GNAI1: variants seen among roughly 807,000 people sequenced by gnomAD.
The protein encoded by GNAI1 is guanine nucleotide-binding protein G(i) subunit alpha-1.
A neutral mutation model predicts 38.9 loss-of-function variants in GNAI1; 11 were observed. That is an observed-to-expected ratio of 0.28 (90% CI 0.18 to 0.47). The LOEUF (loss-of-function observed/expected upper bound fraction) is 0.47. Among genes scored for constraint, GNAI1 ranks in the 20% least tolerant of loss-of-function variants. GNAI1 has a pLI of 0.99. For synonymous variants in GNAI1, 166 were observed against 145.1 expected (o/e 1.14, Z -1.04); for missense variants, 317 against 436.9 (o/e 0.73, Z 2.45).
At chr7:80,188,806 G>C in intron 1 of GNAI1, 145 bp from the exon 2 acceptor site, 1 of 615,898 alleles carries the variant, frequency 1.6e-6, no homozygotes, top group Non-Finnish European at 2.9e-6. Context: ...TCTCATTTTA[G>C]TATAAAACAA....
At chr7:80,179,551 T>C (rs890494585) in intron 1 of GNAI1, among the ~76,000 whole-genome samples, 7 of 152,246 alleles carry the variant, frequency 4.6e-5, no homozygotes, top group African/African-American at 1.7e-4. Flanking sequence ...GTAGTATCCT[T>C]AGTTGCCAGA....
intron 1 of GNAI1, among the ~76,000 whole-genome samples, chr7:80,176,334 A>T (rs1468003453): frequency 2.0e-5 from 3 of 152,232 alleles, no homozygotes; most frequent in Non-Finnish European, 4.4e-5. Context: ...AGCCATCTCC[A>T]TAAAATAAAA....
chr7:80,167,336 T>A (rs1370714256), intron 1 of GNAI1, among the ~76,000 whole-genome samples: 1 of 152,204 alleles, frequency 6.6e-6, no homozygotes, highest in Non-Finnish European at 1.5e-5. Context: ...TGCAGTTAGG[T>A]TCACTTTTCT....
At chr7:80,155,269 G>A (rs1787798249) in intron 1 of GNAI1, among the ~76,000 whole-genome samples, 1 of 151,934 alleles carries the variant, frequency 6.6e-6, no homozygotes. Context: ...GAATTATTTT[G>A]GTTTTTGGAT....
intron 4 of GNAI1, among the ~76,000 whole-genome samples, chr7:80,200,135 A>G (rs7807610): frequency 0.93 from 141,308 of 151,204 alleles, 66,099 homozygotes; most frequent in East Asian, 1. Flanking sequence ...GGGTAACTTA[A>G]CGAGACCTCC....
At chr7:80,202,208 G>A (rs1170291418) in intron 4 of GNAI1, among the ~76,000 whole-genome samples, 1 of 152,014 alleles carries the variant, frequency 6.6e-6, no homozygotes, top group African/African-American at 2.4e-5. Flanking sequence ...TCCTGCCTCA[G>A]CCTCCCCAAT....
intron 3 of GNAI1, among the ~76,000 whole-genome samples, chr7:80,193,341 T>A (rs2115648622): frequency 6.6e-6 from 1 of 152,336 alleles, no homozygotes; most frequent in Middle Eastern, 3.4e-3. Context: ...AAGTGTTGAC[T>A]AATTTTCTGT....
chr7:80,207,375 A>G (rs774639240), intron 5 of GNAI1, among the ~76,000 whole-genome samples: 1 of 152,092 alleles, frequency 6.6e-6, no homozygotes, highest in African/African-American at 2.4e-5. Context: ...TTCAACATCC[A>G]GCAAATACTG....
intron 1 of GNAI1, among the ~76,000 whole-genome samples, chr7:80,143,925 C>CATGT (rs1554346284): frequency 3.2e-5 from 4 of 126,760 alleles, no homozygotes; most frequent in Non-Finnish European, 6.9e-5. Context: ...TGTGTGTGCG[C>CATGT]GCGTGTGTGT....
intron 1 of GNAI1, among the ~76,000 whole-genome samples, chr7:80,137,196 G>A (rs1318236274): frequency 6.6e-6 from 1 of 150,456 alleles, no homozygotes; most frequent in Non-Finnish European, 1.5e-5. Context: ...ACCAGAAGTT[G>A]AATCTTGACA....
intron 1 of GNAI1, among the ~76,000 whole-genome samples, chr7:80,158,442 G>C (rs1787856658): frequency 6.6e-6 from 1 of 152,144 alleles, no homozygotes; most frequent in South Asian, 2.1e-4. Flanking sequence ...CTTCACGTGG[G>C]AGGGACCTGG....
chr7:80,169,995 A>G (rs376642018), intron 1 of GNAI1, among the ~76,000 whole-genome samples: 1 of 152,200 alleles, frequency 6.6e-6, no homozygotes, highest in Admixed American at 6.5e-5. Context: ...TGTCACATGT[A>G]TCAGTACTTT....
chr7:80,193,527 A>G lies in GNAI1; in HGVS notation c.303+4296A>G, dbSNP rs1157735350. On this transcript the variant is annotated intron_variant, in intron 3 of 7. Coordinates refer to ENST00000649796, the MANE Select transcript of GNAI1 (RefSeq NM_002069.6). ...ATAGTCCATCTGCGAGTGATAATAT[A>G]TTGATAATTTAGGTGATTATGTTTC... Among the ~76,000 whole-genome samples, 3 of 152,306 alleles carry G rather than the reference A, an allele frequency of 2.0e-5. No individual in the cohort carries two copies. In the East Asian group the frequency reaches 5.8e-4, roughly 29 times the overall value.
rs201574825 is a variant in GNAI1 at position 80,204,830 on chromosome 7, GAT to G, written c.590+1000_590+1001del. ...TATGTAAATATATATACATTAATAA[GAT>G]AACATCACGGGATATTCTACTGAAA... On this transcript the variant is annotated intron_variant, in intron 5 of 7. Coordinates refer to ENST00000649796, the MANE Select transcript of GNAI1 (RefSeq NM_002069.6). 8.5e-4 allele frequency among the ~76,000 whole-genome samples: 129 copies of G among 152,142 alleles called. 4 individuals are homozygous for G. In the East Asian group the frequency reaches 0.024, roughly 28 times the overall value.
chr7:80,210,192 T>C (rs1203672786), intron 5 of GNAI1, among the ~76,000 whole-genome samples: 1 of 152,206 alleles, frequency 6.6e-6, no homozygotes, highest in African/African-American at 2.4e-5. Flanking sequence ...TTTGCTTAAC[T>C]TTATAAAGTC....
At chr7:80,191,980 A>G (rs190610894) in intron 3 of GNAI1, among the ~76,000 whole-genome samples, 7 of 152,242 alleles carry the variant, frequency 4.6e-5, no homozygotes, top group Admixed American at 3.3e-4. Context: ...ATTATTTTAA[A>G]ACATTTTGTT....
chr7:80,140,524 T>C (rs1378599823), intron 1 of GNAI1, among the ~76,000 whole-genome samples: 1 of 152,214 alleles, frequency 6.6e-6, no homozygotes, highest in Non-Finnish European at 1.5e-5. Context: ...TATTTGAGTG[T>C]GTTTGTTGCA....
chr7:80,149,911 A>G (rs141389071), intron 1 of GNAI1, among the ~76,000 whole-genome samples: 9 of 152,334 alleles, frequency 5.9e-5, no homozygotes, highest in African/African-American at 1.2e-4. Flanking sequence ...GGAAACTACA[A>G]TAGACAAGAT....
At chr7:80,156,861 C>T (rs954605259) in intron 1 of GNAI1, among the ~76,000 whole-genome samples, 8 of 152,126 alleles carry the variant, frequency 5.3e-5, no homozygotes, top group East Asian at 3.9e-4. Context: ...AGAGCTTTCC[C>T]ATATATCCCA....
Sources: allele counts gnomAD v4.1 joint callset (sites outside exome capture counted in the v4.1 genomes callset), GRCh38; gene constraint gnomAD v4.1.1; transcripts MANE v1.5; gene names NCBI Gene and HGNC (gene_info 2026-07-23, HGNC 2026-07-21).